EVL: variants seen among roughly 807,000 people sequenced by gnomAD.
EVL encodes Enah/Vasp-like, also known as ena/VASP-like protein.
Under a neutral mutation model 59.6 loss-of-function variants are expected in EVL, and 21 were observed. The ratio of observed to expected loss-of-function variants is 0.35; its 90% CI spans 0.25 to 0.51. The LOEUF (loss-of-function observed/expected upper bound fraction) is 0.51. Ranked by LOEUF, EVL falls within the 20% of genes least tolerant of loss-of-function variation. EVL has a pLI of 0.97. For missense variants in EVL, 462 were observed against 546.6 expected (o/e 0.85, Z 1.54); for synonymous variants, 198 against 203.5 (o/e 0.97, Z 0.23).
chr14:100,073,405 T>G (rs181487641), intron 1 of EVL, among the ~76,000 whole-genome samples: 9 of 150,746 alleles, frequency 6.0e-5, no homozygotes, highest in Non-Finnish European at 1.2e-4. Flanking sequence ...CACTGCAACC[T>G]TAACCTCCTC....
rs1051029842 is a variant in EVL, at chr14:99,992,379, A to AT, written c.5+20328dup. 2.0e-5 allele frequency among the ~76,000 whole-genome samples: 3 copies of AT among 151,066 alleles called. No homozygotes were observed. The East Asian group carries it at 5.9e-4, about 30-fold the overall frequency. ...TTTACCATATATGTGATTTGCAAAT[A>AT]TTTTTTCCCACTTTGTAGGTTGTCT... On this transcript the variant is annotated intron_variant, in intron 1 of 13. Transcript: ENST00000402714.
rs58028559 is a variant in EVL, at chr14:99,981,958, G to T, written c.5+9901G>T. 0.011 allele frequency among the ~76,000 whole-genome samples: 1,749 copies of T among 152,246 alleles called. 79 individuals carry two copies. The East Asian group carries it at 0.16, about 14-fold the overall frequency. Reference sequence around the variant, plus strand: ...TCTTGAGTTGCCACATGAATGTATCGCAAGTGCTGCAGTAAGAGTGGTGGT... The same window carrying T: ...TCTTGAGTTGCCACATGAATGTATCTCAAGTGCTGCAGTAAGAGTGGTGGT... On this transcript the variant is annotated intron_variant, in intron 1 of 13. Coordinates refer to the EVL transcript ENST00000402714.
At chr14:99,986,048 T>C (rs1412774890) in intron 1 of EVL, among the ~76,000 whole-genome samples, 1 of 152,118 alleles carries the variant, frequency 6.6e-6, no homozygotes, top group Non-Finnish European at 1.5e-5. Flanking sequence ...TCCCAGCACT[T>C]TGGGAGGCCA....
intron 1 of EVL, among the ~76,000 whole-genome samples, chr14:100,000,613 C>T (rs780321082): frequency 1.4e-4 from 21 of 152,234 alleles, no homozygotes; most frequent in Non-Finnish European, 2.9e-4. Flanking sequence ...TCCCAAAGTG[C>T]TGGGATTACA....
intron 2 of EVL, among the ~76,000 whole-genome samples, chr14:100,085,617 G>T (rs1472368093): frequency 6.6e-6 from 1 of 152,202 alleles, no homozygotes; most frequent in African/African-American, 2.4e-5. Context: ...GCATCTTGTG[G>T]CAGCCTTTGT....
At chr14:100,129,801 C>G in intron 7 of EVL, 117 bp downstream of exon 7, 1 of 1,377,944 alleles carries the variant, frequency 7.3e-7, no homozygotes, top group Non-Finnish European at 9.6e-7. Context: ...CTGGGTTTAG[C>G]CAAGCAGGGG....
At chr14:99,982,590 A>T (rs370381736) in intron 1 of EVL, among the ~76,000 whole-genome samples, 1 of 151,950 alleles carries the variant, frequency 6.6e-6, no homozygotes, top group Admixed American at 6.6e-5. Flanking sequence ...GAGCGGGGGG[A>T]AAAAATACTG....
intron 8 of EVL, 136 bp downstream of exon 8, chr14:100,132,915 G>A (rs999346112): frequency 4.9e-5 from 48 of 972,106 alleles, no homozygotes; most frequent in South Asian, 2.9e-4. Flanking sequence ...CAGGAGGGGC[G>A]GAGGGTCTCT....
intron 11 of EVL, 77 bp from the exon 12 acceptor site, chr14:100,141,103 G>A (rs1429663692): frequency 6.9e-7 from 1 of 1,450,212 alleles, no homozygotes; most frequent in Non-Finnish European, 9.5e-7. Context: ...GGCCCAGCCT[G>A]AGCGGGGCCT....
Position 100,084,591 on chromosome 14 carries a change from A to G in EVL, c.12-96A>G, listed in dbSNP as rs1446161220. The G allele has an allele frequency of 1.1e-5, 14 of 1,328,546 alleles. No homozygotes were observed. In the South Asian group the frequency reaches 1.4e-4, roughly 13 times the overall value. The allele number at this position is 1,328,546 out of a possible 1,614,324, so 82.3% of individuals were successfully genotyped here. On this transcript the variant is annotated intron_variant, in intron 1 of 13. Coordinates refer to ENST00000392920, the MANE Select transcript of EVL (RefSeq NM_016337.3). The stretch of plus-strand genomic sequence containing the variant: ...GTTCTGGCAATTGGAAAGTTTCTTT[A>G]TGTCAAGTAGCAATTGGCCTCTATT...
At chr14:100,069,042 T>C (rs1207239822) in intron 1 of EVL, among the ~76,000 whole-genome samples, 3 of 152,362 alleles carry the variant, frequency 2.0e-5, no homozygotes, top group South Asian at 2.1e-4. Flanking sequence ...TACTGTATAC[T>C]GTCTTTACCC....
chr14:100,087,947 A>G (rs555827815), intron 2 of EVL, among the ~76,000 whole-genome samples: 13 of 152,358 alleles, frequency 8.5e-5, no homozygotes, highest in Non-Finnish European at 1.8e-4. Context: ...TACTTGAAGA[A>G]GATAGAAACT....
At chr14:100,139,114 C>T (rs1369364329) in intron 11 of EVL, 1 of 152,304 alleles carries the variant, frequency 6.6e-6, no homozygotes, top group African/African-American at 2.4e-5. Context: ...GGAAGGCAAC[C>T]AGAGTGGGCA....
At chr14:100,137,955 G>C in intron 11 of EVL, 153 bp downstream of exon 11, 1 of 716,720 alleles carries the variant, frequency 1.4e-6, no homozygotes, top group South Asian at 1.8e-5. Context: ...CCAGGACCTC[G>C]GGGTCCTGTC....
At chr14:100,081,650 C>G (rs150611169) in intron 1 of EVL, among the ~76,000 whole-genome samples, 43 of 152,170 alleles carry the variant, frequency 2.8e-4, no homozygotes, top group African/African-American at 9.6e-4. Flanking sequence ...GTGTGTGATA[C>G]CCCAGGTATG....
intron 1 of EVL, among the ~76,000 whole-genome samples, chr14:100,021,887 C>T (rs1315239702): frequency 1.3e-5 from 2 of 151,874 alleles, no homozygotes; most frequent in Non-Finnish European, 1.5e-5. Context: ...GGTGAACCAC[C>T]GGTCACTTGG....
At chr14:100,022,589 C>A (rs75639693) in intron 1 of EVL, among the ~76,000 whole-genome samples, 3,930 of 152,110 alleles carry the variant, frequency 0.026, 173 homozygotes, top group African/African-American at 0.089. Flanking sequence ...TGGCCACATT[C>A]GTTTTTAAAA....
chr14:100,089,637 T>C (rs889103904), intron 2 of EVL, among the ~76,000 whole-genome samples: 1 of 152,222 alleles, frequency 6.6e-6, no homozygotes. Context: ...ACAGTACATA[T>C]GAGCCAGGCG....
chr14:100,016,609 CA>C (rs1310635389), intron 1 of EVL, among the ~76,000 whole-genome samples: 1 of 152,114 alleles, frequency 6.6e-6, no homozygotes, highest in East Asian at 1.9e-4. Flanking sequence ...ACAACAACAA[CA>C]AAAAAACACA....
Sources: gnomAD v4.1 joint callset for allele counts (sites outside exome capture counted in the v4.1 genomes callset) on GRCh38, gnomAD v4.1.1 for gene constraint, MANE v1.5 for transcripts, NCBI Gene and HGNC (gene_info 2026-07-23, HGNC 2026-07-21) for gene names.